The following COBLL1 variants were observed in gnomAD, a reference collection of about 807,000 sequenced individuals.
COBLL1 encodes the protein cordon-bleu protein-like 1.
In COBLL1, 50 loss-of-function variants were observed where a neutral mutation model predicts 94.8. The observed-to-expected ratio is 0.53, with a 90% CI of 0.42 to 0.67. The LOEUF is 0.67. COBLL1 is among the 30% of genes least tolerant of loss of function. COBLL1 has a pLI of 0.00. For synonymous variants in COBLL1, 448 were observed against 473.8 expected (o/e 0.95, Z 0.71); for missense variants, 1,362 against 1,348.7 (o/e 1.01, Z -0.15).
At position 164,680,788 on chromosome 2, in the gene COBLL1, T is replaced by C. The variant is rs1683004804; in HGVS notation, c.*5158A>G. On this transcript the variant is annotated 3_prime_UTR_variant, in exon 14 of 14. Coordinates refer to ENST00000652658, the MANE Select transcript of COBLL1 (RefSeq NM_001365672.2). ...ATTTGTTGTTTATCCGAAGTTCAAA[T>C]TTAACTGGGCATTCTGTATTTTATC... 1 of 152,126 alleles carries C rather than the reference T, an allele frequency of 6.6e-6. No individual in the cohort carries two copies. Among genetic ancestry groups the C allele is most frequent in the Non-Finnish European group, 1.5e-5 (1 of 68,016 alleles). The allele number at this position is 152,126 out of a possible 1,614,324, so 9.4% of individuals were successfully genotyped here.
chr2:164,808,790 CCA>C (rs957768689), intron 2 of COBLL1, among the ~76,000 whole-genome samples: 9 of 152,010 alleles, frequency 5.9e-5, no homozygotes, highest in African/African-American at 1.7e-4. Flanking sequence ...ACATAAAAGT[CCA>C]CAGTGTTTTA....
chr2:164,702,630 G>A (rs1684363718), intron 9 of COBLL1, among the ~76,000 whole-genome samples: 5 of 150,976 alleles, frequency 3.3e-5, no homozygotes, highest in Middle Eastern at 3.5e-3. Flanking sequence ...GAAAGGCCAT[G>A]ATGGTTTAGA....
At chr2:164,772,440 A>G (rs1185939062) in intron 2 of COBLL1, among the ~76,000 whole-genome samples, 1 of 152,036 alleles carries the variant, frequency 6.6e-6, no homozygotes, top group African/African-American at 2.4e-5. Context: ...CACATTTTAG[A>G]TACATCTGAT....
chr2:164,695,957 A>G, intron 11 of COBLL1, 121 bp from the exon 12 acceptor site: 1 of 754,346 alleles, frequency 1.3e-6, no homozygotes, highest in Non-Finnish European at 2.1e-6. Flanking sequence ...TTTTCAACTC[A>G]CTGACTATAT....
At chr2:164,725,135 A>ATATATATATAT (rs1558956204) in intron 5 of COBLL1, 962 of 57,022 alleles carry the variant, frequency 0.017, 38 homozygotes, top group African/African-American at 0.025. Flanking sequence ...TATATATATA[A>ATATATATATAT]AATGAAAGCA....
chr2:164,825,893 G>A (rs142728339), intron 2 of COBLL1, among the ~76,000 whole-genome samples: 357 of 152,270 alleles, frequency 2.3e-3, no homozygotes, highest in Non-Finnish European at 4.1e-3. Context: ...TACAGCATTT[G>A]TGGTAAAGTA....
Position 164,729,905 on chromosome 2 carries a change from A to C in COBLL1, c.432+9T>G. The C allele has an allele frequency of 6.2e-7, 1 of 1,602,862 alleles. No homozygotes were observed. On this transcript the variant is annotated intron_variant, in intron 4 of 13. Coordinates refer to ENST00000652658, the MANE Select transcript of COBLL1 (RefSeq NM_001365672.2). Reference sequence around the variant, plus strand: ...AATAAGACATCAAAATATATAATGGAATTCTTACCTCTGGTATTATAGGTG... The same window carrying C: ...AATAAGACATCAAAATATATAATGGCATTCTTACCTCTGGTATTATAGGTG...
intron 2 of COBLL1, among the ~76,000 whole-genome samples, chr2:164,750,661 G>C (rs1015327612): frequency 6.6e-6 from 1 of 152,182 alleles, no homozygotes; most frequent in African/African-American, 2.4e-5. Context: ...AAACAAGAAA[G>C]AAGACATAAA....
intron 2 of COBLL1, among the ~76,000 whole-genome samples, chr2:164,757,816 T>A (rs915172101): frequency 8.0e-5 from 12 of 150,800 alleles, no homozygotes; most frequent in East Asian, 3.9e-4. Context: ...TCTCAAAAAA[T>A]AATAATAATA....
At chr2:164,833,728 G>A (rs1023361054) in intron 2 of COBLL1, among the ~76,000 whole-genome samples, 1 of 152,146 alleles carries the variant, frequency 6.6e-6, no homozygotes, top group Non-Finnish European at 1.5e-5. Context: ...GGGATTACAG[G>A]CGTAAGCCAC....
intron 2 of COBLL1, among the ~76,000 whole-genome samples, chr2:164,830,733 C>T (rs1208661413): frequency 3.9e-5 from 6 of 151,996 alleles, no homozygotes; most frequent in African/African-American, 9.7e-5. Context: ...GAATATTGTT[C>T]GTTTCAGATC....
At chr2:164,783,352 G>T (rs1042957175) in intron 2 of COBLL1, among the ~76,000 whole-genome samples, 4 of 152,084 alleles carry the variant, frequency 2.6e-5, no homozygotes, top group Admixed American at 2.0e-4. Context: ...GGTCAAAGCT[G>T]CAGTGAGCTG....
chr2:164,705,162 AG>A (rs1574442508), intron 7 of COBLL1, 57 bp from the exon 8 acceptor site: 2 of 1,379,044 alleles, frequency 1.5e-6, no homozygotes, highest in Non-Finnish European at 1.9e-6. Context: ...AGCAAACTTT[AG>A]GAAGACACTG....
In COBLL1 at chr2:164,674,100, C is replaced by T. The variant is rs188172110; in HGVS notation, n.127-8199G>A. On this transcript the variant is annotated intron_variant and non_coding_transcript_variant, in intron 1 of 2. Coordinates refer to the COBLL1 transcript ENST00000495084. ...GTTTTCAGACAGAGGCTTGTTCTGT[C>T]GCCAGTCTGGAGTGCAGTGGCGTAA... Among the ~76,000 whole-genome samples the T allele has an allele frequency of 1.1e-4, 16 of 152,050 alleles. No individual in the cohort carries two copies. The East Asian group carries it at 2.5e-3, about 24-fold the overall frequency.
chr2:164,677,252 C>T (rs1691355032), downstream of COBLL1, among the ~76,000 whole-genome samples: 1 of 151,986 alleles, frequency 6.6e-6, no homozygotes, highest in Non-Finnish European at 1.5e-5. Flanking sequence ...TTCTTTCTTT[C>T]TTTCTTTTTT....
chr2:164,704,570 A>G (rs1444762311), intron 8 of COBLL1, 52 bp from the exon 9 acceptor site: 1 of 1,384,716 alleles, frequency 7.2e-7, no homozygotes, highest in Admixed American at 1.7e-5. Context: ...AAATAAAACA[A>G]TTCCTTAACA....
At chr2:164,767,392 T>C (rs992650438) in intron 2 of COBLL1, among the ~76,000 whole-genome samples, 5 of 152,200 alleles carry the variant, frequency 3.3e-5, no homozygotes, top group South Asian at 2.1e-4. Flanking sequence ...AATTCTCTAA[T>C]ATTTCTAGTC....
At chr2:164,743,945 T>A in intron 2 of COBLL1, 70 bp from the exon 3 acceptor site, 1 of 1,130,264 alleles carries the variant, frequency 8.8e-7, no homozygotes, top group Non-Finnish European at 1.2e-6. Context: ...ATATGATGTA[T>A]TTTTATAAAT....
chr2:164,759,961 C>T (rs4667772), intron 2 of COBLL1, among the ~76,000 whole-genome samples: 41,472 of 152,024 alleles, frequency 0.27, 5,973 homozygotes, highest in East Asian at 0.4. Flanking sequence ...GAATGCAAAA[C>T]GGTGAAGGCC....
Sources: gnomAD v4.1 joint callset for allele counts (sites outside exome capture counted in the v4.1 genomes callset) on GRCh38, gnomAD v4.1.1 for gene constraint, MANE v1.5 for transcripts, NCBI Gene and HGNC (gene_info 2026-07-23, HGNC 2026-07-21) for gene names.